C14orf39: variants seen among roughly 807,000 people sequenced by gnomAD.
C14orf39 encodes chromosome 14 open reading frame 39.
A neutral mutation model predicts 85.6 loss-of-function variants in C14orf39; 66 were observed. The observed-to-expected ratio is 0.77, with a 90% CI of 0.63 to 0.95. The LOEUF (loss-of-function observed/expected upper bound fraction) is 0.95, where lower values mean the gene tolerates loss of function less well. C14orf39 is among the 40% of genes least tolerant of loss of function. The pLI is 0.00. For synonymous variants in C14orf39, 242 were observed against 214.0 expected (o/e 1.13, Z -1.14); for missense variants, 735 against 663.9 (o/e 1.11, Z -1.18).
At chr14:60,441,986 G>T in intron 17 of C14orf39, 88 bp downstream of exon 17, 1 of 807,906 alleles carries the variant, frequency 1.2e-6, no homozygotes, top group South Asian at 1.8e-5. Flanking sequence ...AGAATAAATT[G>T]AGCACCTAAG....
At chr14:60,441,893 A>G (rs1890531809) in intron 17 of C14orf39, among the ~76,000 whole-genome samples, 181 bp downstream of exon 17, 1 of 152,168 alleles carries the variant, frequency 6.6e-6, no homozygotes, top group African/African-American at 2.4e-5. Context: ...GTAAGTTTTA[A>G]TAGAGTAGTG....
At chr14:60,470,872 G>A (rs576220301) in intron 7 of C14orf39, among the ~76,000 whole-genome samples, 2 of 151,986 alleles carry the variant, frequency 1.3e-5, no homozygotes, top group South Asian at 4.1e-4. Context: ...CATCATCAGG[G>A]AAGATCTCTC....
chr14:60,483,756 A>T lies in C14orf39; in HGVS notation c.168T>A (p.Asn56Lys). ...VTICRIHETI[N>K]ATDEEIDHYC... ...AATGATCAATTTCCTCATCTGTTGC[A>T]TTTATAGTTTCGTGTATCCTACAAA... Residue 56 changes from asparagine (N) to lysine (K), a missense_variant, in exon 4 of 18, where the codon AAT (asparagine) becomes AAA (lysine). Physicochemically the swap from Asn to Lys is moderately conservative, Grantham distance 94 (BLOSUM62 0). Coordinates refer to ENST00000321731, the MANE Select transcript of C14orf39 (RefSeq NM_174978.3). 11 of 1,584,452 alleles carry T rather than the reference A, an allele frequency of 6.9e-6. No homozygotes were observed. The highest frequency in any genetic ancestry group is 1.1e-5 in the South Asian group (1 of 89,670).
At chr14:60,496,244 G>C in intron 2 of C14orf39, 1 of 402,688 alleles carries the variant, frequency 2.5e-6, no homozygotes, top group East Asian at 6.6e-5. Flanking sequence ...ATCTGCTGTA[G>C]CTGCTGCAGA....
At chr14:60,496,303 G>T (rs560317967) in intron 2 of C14orf39, 79 of 367,678 alleles carry the variant, frequency 2.1e-4, no homozygotes, top group South Asian at 1.7e-3. Flanking sequence ...GCCAGCCACA[G>T]AAGCTGATTC....
chr14:60,452,123 G>T (rs1238327557), intron 16 of C14orf39, among the ~76,000 whole-genome samples: 2 of 148,760 alleles, frequency 1.3e-5, no homozygotes, highest in Admixed American at 1.3e-4. Context: ...GGAGGTGGAG[G>T]TTGCAGTGAG....
In C14orf39 at chr14:60,484,522, G is replaced by A. The variant is rs1297900138; in HGVS notation, c.106+359C>T. Among the ~76,000 whole-genome samples, 1 of 151,876 alleles carries A rather than the reference G, an allele frequency of 6.6e-6. No homozygotes were observed. The highest frequency in any genetic ancestry group is 2.4e-5 in the African/African-American group (1 of 41,342). On this transcript the variant is annotated intron_variant, in intron 3 of 17. Transcript: ENST00000321731. The surrounding 1 kb of genome is among the most constrained non-coding windows in gnomAD (Gnocchi z 4.2). Reference sequence around the variant, plus strand: ...TATTCCTGAAAATGTGGCATCTATCGATTTTGATCCCTGATTTCTGGTGGT... The same window carrying A: ...TATTCCTGAAAATGTGGCATCTATCAATTTTGATCCCTGATTTCTGGTGGT...
chr14:60,474,576 T>A (rs1457529960), intron 5 of C14orf39, among the ~76,000 whole-genome samples: 1 of 152,152 alleles, frequency 6.6e-6, no homozygotes, highest in Non-Finnish European at 1.5e-5. Flanking sequence ...ATACGTCCCA[T>A]CGATACCTAA....
chr14:60,460,225 G>A (rs1483375490), intron 13 of C14orf39, among the ~76,000 whole-genome samples: 1 of 151,784 alleles, frequency 6.6e-6, no homozygotes, highest in African/African-American at 2.4e-5. Flanking sequence ...TCAACAGCAC[G>A]TAGGGCTATG....
At chr14:60,501,778 G>A (rs1158235178) in intron 1 of C14orf39, among the ~76,000 whole-genome samples, 1 of 152,138 alleles carries the variant, frequency 6.6e-6, no homozygotes, top group East Asian at 1.9e-4. Context: ...ACCTAAGGCA[G>A]GCATCAAAAG....
chr14:60,485,650 C>T (rs924308355), intron 1 of C14orf39, among the ~76,000 whole-genome samples: 2 of 152,194 alleles, frequency 1.3e-5, no homozygotes, highest in Non-Finnish European at 2.9e-5. Flanking sequence ...GTCTACCGTG[C>T]CCCTCAGAGC....
chr14:60,509,165 C>A (rs1409090562), intron 1 of C14orf39: 10 of 563,744 alleles, frequency 1.8e-5, no homozygotes, highest in Non-Finnish European at 3.2e-5. Flanking sequence ...GCCAGCTCGC[C>A]TGCCGGCGTG....
chr14:60,502,857 A>G (rs1893164257), intron 1 of C14orf39, among the ~76,000 whole-genome samples: 1 of 152,232 alleles, frequency 6.6e-6, no homozygotes, highest in Non-Finnish European at 1.5e-5. Context: ...CTGATCCAAA[A>G]TGATTGAAAC....
At chr14:60,441,072 G>A (rs372893115) in intron 17 of C14orf39, among the ~76,000 whole-genome samples, 3 of 151,898 alleles carry the variant, frequency 2.0e-5, no homozygotes, top group African/African-American at 4.8e-5. Context: ...GGGAAGATTC[G>A]GGCCCACCTG....
intron 13 of C14orf39, among the ~76,000 whole-genome samples, chr14:60,459,047 G>C (rs1056590204): frequency 6.6e-6 from 1 of 151,594 alleles, no homozygotes; most frequent in African/African-American, 2.4e-5. Flanking sequence ...TCTGACTTTT[G>C]TGACAATCAT....
intron 10 of C14orf39, 129 bp downstream of exon 10, chr14:60,466,788 T>C: frequency 1.8e-6 from 1 of 556,008 alleles, no homozygotes; most frequent in Non-Finnish European, 2.7e-6. Flanking sequence ...AAAGCAGTAC[T>C]CTCTTGAGTT....
intron 1 of C14orf39, among the ~76,000 whole-genome samples, chr14:60,507,223 G>T (rs1184181404): frequency 2.0e-5 from 3 of 152,064 alleles, no homozygotes; most frequent in Non-Finnish European, 4.4e-5. Context: ...TGGAGCAAGG[G>T]GGTGCTTTCC....
At chr14:60,465,751 A>G (rs2140103096) in intron 11 of C14orf39, among the ~76,000 whole-genome samples, 1 of 152,110 alleles carries the variant, frequency 6.6e-6, no homozygotes, top group African/African-American at 2.4e-5. Context: ...TTTTAGGGAT[A>G]AGGGGACAGG....
rs1892026708 is a variant in C14orf39, at chr14:60,470,526, C to A, written c.555-873G>T. Among the ~76,000 whole-genome samples the A allele has an allele frequency of 4.0e-5, 6 of 151,886 alleles. No homozygotes were observed. In the Admixed American group the frequency reaches 4.0e-4, roughly 10 times the overall value. ...CAAATCTTCCTACCTCCATTCACCT[C>A]TTCCTGTTTGTCATGCAACCTTATA... is the stretch of plus-strand genomic sequence containing the variant. On this transcript the variant is annotated intron_variant, in intron 7 of 17. Coordinates refer to ENST00000321731, the MANE Select transcript of C14orf39 (RefSeq NM_174978.3).
Sources: allele counts gnomAD v4.1 joint callset (sites outside exome capture counted in the v4.1 genomes callset), GRCh38; gene constraint gnomAD v4.1.1; non-coding constraint Gnocchi (gnomAD v3.1); transcripts MANE v1.5; gene names NCBI Gene and HGNC (gene_info 2026-07-23, HGNC 2026-07-21).